UBE3B: variants seen among roughly 807,000 people sequenced by gnomAD.
UBE3B encodes ubiquitin-protein ligase E3B.
A neutral mutation model predicts 132.3 loss-of-function variants in UBE3B; 80 were observed. The observed-to-expected ratio is 0.60, with a 90% CI of 0.50 to 0.73. The LOEUF is 0.73. Ranked by LOEUF, UBE3B falls within the 30% of genes least tolerant of loss-of-function variation. The probability of loss-of-function intolerance (pLI) is 0.00; values close to 1 mark genes in which losing one functional copy is unlikely to be tolerated. For synonymous variants in UBE3B, 487 were observed against 520.4 expected, an observed-to-expected ratio of 0.94 and a Z score of 0.87; for missense variants, 1,196 against 1,362.5, an observed-to-expected ratio of 0.88 and a Z score of 1.92.
chr12:109,509,827 T>C (rs928431598), intron 16 of UBE3B, 113 bp downstream of exon 16: 21 of 673,624 alleles, frequency 3.1e-5, no homozygotes, highest in Middle Eastern at 2.6e-4. Context: ...TAATAGAAGG[T>C]GCACATTTAT....
At chr12:109,501,952 C>T (rs1311838738) in intron 13 of UBE3B, among the ~76,000 whole-genome samples, 2 of 152,096 alleles carry the variant, frequency 1.3e-5, no homozygotes, top group African/African-American at 4.8e-5. Context: ...ATATGAGCCA[C>T]CATACCTGGC....
intron 22 of UBE3B, 52 bp from the exon 23 acceptor site, chr12:109,524,386 A>G: frequency 6.2e-7 from 1 of 1,605,718 alleles, no homozygotes; most frequent in Non-Finnish European, 8.5e-7. Flanking sequence ...TAAACCTCTT[A>G]AGCACATAGT....
intron 13 of UBE3B, among the ~76,000 whole-genome samples, 156 bp downstream of exon 13, chr12:109,501,690 T>C (rs1268459214): frequency 6.6e-6 from 1 of 152,208 alleles, no homozygotes; most frequent in Non-Finnish European, 1.5e-5. Context: ...CTCACTGTAT[T>C]GCCCAGGCTA....
At chr12:109,486,204 A>G (rs1176303177) in intron 5 of UBE3B, 133 bp downstream of exon 5, 1 of 971,890 alleles carries the variant, frequency 1.0e-6, no homozygotes, top group Admixed American at 2.6e-5. Context: ...AAACATTACC[A>G]AAGTACAAAT....
At chr12:109,526,480 C>T in intron 24 of UBE3B, 64 bp downstream of exon 24, 9 of 1,492,230 alleles carry the variant, frequency 6.0e-6, no homozygotes, top group African/African-American at 1.4e-5. Context: ...GCTCTCTGCG[C>T]TTATGTTGAG....
In UBE3B at chr12:109,525,376, C is replaced by T. The variant is rs561420611; in HGVS notation, c.2568+873C>T. Among the ~76,000 whole-genome samples, 13 of 152,316 alleles carry T rather than the reference C, an allele frequency of 8.5e-5. 1 individual carries two copies. Among genetic ancestry groups the T allele is most frequent in the Admixed American group, 7.2e-4 (11 of 15,306 alleles). ...TTGAAGGAAGGAAAGAATGCTGTCT[C>T]GCAGGATCGTTCTCTACAGAATAGC... On this transcript the variant is annotated intron_variant, in intron 23 of 27. Coordinates refer to ENST00000342494, the MANE Select transcript of UBE3B (RefSeq NM_130466.4).
chr12:109,490,852 C>G (rs1037339839), intron 8 of UBE3B, 193 bp from the exon 9 acceptor site: 2 of 1,155,804 alleles, frequency 1.7e-6, no homozygotes, highest in Admixed American at 6.3e-5. Flanking sequence ...CAGGGTTGCC[C>G]TGTCACCCAG....
At chr12:109,528,310 C>T in intron 24 of UBE3B, 1 of 984,944 alleles carries the variant, frequency 1.0e-6, no homozygotes, top group Non-Finnish European at 1.2e-6. Context: ...CTCCCTTCCT[C>T]TCCCCCTTTC....
intron 1 of UBE3B, among the ~76,000 whole-genome samples, chr12:109,480,609 C>A (rs1875210736): frequency 6.6e-6 from 1 of 151,638 alleles, no homozygotes; most frequent in Non-Finnish European, 1.5e-5. Context: ...CATGATTGCA[C>A]CACTGCACTC....
At chr12:109,530,794 C>A in intron 26 of UBE3B, 136 bp downstream of exon 26, 1 of 850,076 alleles carries the variant, frequency 1.2e-6, no homozygotes, top group Non-Finnish European at 1.8e-6. Flanking sequence ...CTCCCACAGG[C>A]AGGCCTCCCG....
chr12:109,518,123 T>G (rs1378092354), intron 19 of UBE3B: 6 of 221,010 alleles, frequency 2.7e-5, no homozygotes, highest in Non-Finnish European at 4.9e-5. Context: ...GCTAGACATA[T>G]AGAAATAATC....
rs760978729 is a variant in UBE3B, at chr12:109,521,114, G to T, written c.2077-34G>T. 1.2e-6 allele frequency: 2 copies of T among 1,609,862 alleles called. No individual in the cohort carries two copies. Among genetic ancestry groups the T allele is most frequent in the Non-Finnish European group, 1.7e-6 (2 of 1,176,872 alleles). On this transcript the variant is annotated intron_variant, in intron 19 of 27. Coordinates refer to ENST00000342494, the MANE Select transcript of UBE3B (RefSeq NM_130466.4). The surrounding 1 kb of genome is among the most constrained non-coding windows in gnomAD (Gnocchi z 4.2). ...CCGAATTGTGTGCATAAGGCTTTGG[G>T]CTTCCTAATGGGCTGTAATTCTGCT...
intron 9 of UBE3B, chr12:109,492,784 A>G (rs1183690970): frequency 6.6e-6 from 1 of 151,902 alleles, no homozygotes; most frequent in African/African-American, 2.4e-5. Flanking sequence ...TAGTATAATG[A>G]TATGTTTTTA....
Position 109,483,906 on chromosome 12 carries a change from T to C in UBE3B, c.207T>C (p.Thr69=). Residue 69 remains threonine (T), a synonymous_variant, in exon 4 of 28, where the codon ACT becomes ACC. Transcript: ENST00000342494. The part of the protein sequence containing the change: ...DFFKADDPES[T]KRSALCIFKI... The stretch of plus-strand genomic sequence containing the variant: ...TTAAAGCAGATGACCCTGAGTCCAC[T>C]AAAAGAAGTGCACTTTGTATTTTCA... 6.2e-7 allele frequency: 1 copy of C among 1,614,138 alleles called. No individual in the cohort carries two copies. The highest frequency in any genetic ancestry group is 1.1e-5 in the South Asian group (1 of 91,054).
intron 12 of UBE3B, 114 bp downstream of exon 12, chr12:109,499,924 T>A: frequency 1.1e-6 from 1 of 899,790 alleles, no homozygotes; most frequent in South Asian, 3.8e-5. Context: ...AAATAATATG[T>A]ATTCATTATA....
downstream of UBE3B, among the ~76,000 whole-genome samples, chr12:109,537,374 G>A (rs1451622366): frequency 6.6e-6 from 1 of 152,158 alleles, no homozygotes; most frequent in Non-Finnish European, 1.5e-5. Context: ...GCCCCGCCTT[G>A]GTGCTTCTGT....
intron 9 of UBE3B, 50 bp from the exon 10 acceptor site, chr12:109,497,768 C>A (rs776908594): frequency 6.3e-7 from 1 of 1,578,736 alleles, no homozygotes; most frequent in African/African-American, 1.3e-5. Context: ...TGCTTTTGTT[C>A]TGGATGCACA....
At chr12:109,539,981 C>G (rs936428072), downstream of UBE3B, among the ~76,000 whole-genome samples, 1 of 150,740 alleles carries the variant, frequency 6.6e-6, no homozygotes, top group Non-Finnish European at 1.5e-5. Flanking sequence ...GGGTCTGTGT[C>G]AGCTTATAGA....
At chr12:109,488,806 G>T in intron 7 of UBE3B, 138 bp downstream of exon 7, 1 of 730,618 alleles carries the variant, frequency 1.4e-6, no homozygotes. Flanking sequence ...GGATGCCCTT[G>T]GTGCTGACCA....
Sources: allele counts gnomAD v4.1 joint callset (sites outside exome capture counted in the v4.1 genomes callset), GRCh38; gene constraint gnomAD v4.1.1; non-coding constraint Gnocchi (gnomAD v3.1); transcripts MANE v1.5; gene names NCBI Gene and HGNC (gene_info 2026-07-23, HGNC 2026-07-21).